The following CIT variants were observed in gnomAD, a reference collection of about 807,000 sequenced individuals.
CIT encodes citron rho-interacting serine/threonine kinase.
In CIT, 79 loss-of-function variants were observed where a neutral mutation model predicts 272.7. The observed-to-expected ratio is 0.29, with a 90% CI of 0.24 to 0.35. CIT has a LOEUF of 0.35. Among genes scored for constraint, CIT ranks in the 10% least tolerant of loss-of-function variants. The pLI, the probability that CIT is intolerant of heterozygous loss-of-function variation, is 1.00. For synonymous variants in CIT, 948 were observed against 995.6 expected (o/e 0.95, Z 0.90); for missense variants, 1,909 against 2,618.3 (o/e 0.73, Z 5.91).
In CIT at chr12:119,776,339, C is replaced by T. The variant is rs942194867; in HGVS notation, c.1887+19G>A. The T allele has an allele frequency of 4.4e-6, 7 of 1,606,184 alleles. No individual in the cohort carries two copies. Among genetic ancestry groups the T allele is most frequent in the Admixed American group, 1.7e-5 (1 of 59,772 alleles). ...TCTACCCAAAATATTAATAGCAAAA[C>T]CAATCATGGAAAGTATACCTTCTCC... On this transcript the variant is annotated intron_variant, in intron 15 of 47. Transcript: ENST00000392521.
At chr12:119,827,558 C>T in intron 7 of CIT, among the ~76,000 whole-genome samples, 1 of 152,062 alleles carries the variant, frequency 6.6e-6, no homozygotes, top group African/African-American at 2.4e-5. Context: ...TTGCCTCAGC[C>T]TCTCGAGTAA....
At chr12:119,688,317 G>T in intron 47 of CIT, 62 bp from the exon 48 acceptor site, 1 of 1,514,760 alleles carries the variant, frequency 6.6e-7, no homozygotes, top group Non-Finnish European at 9.2e-7. Context: ...TGCTCACCTT[G>T]CATGATGCAA....
rs181936460 is a variant in CIT, at chr12:119,727,275, T to C, written c.3591+1227A>G. Among the ~76,000 whole-genome samples the C allele has an allele frequency of 2.0e-4, 30 of 152,322 alleles. No homozygotes were observed. The East Asian group carries it at 4.6e-3, about 24-fold the overall frequency. On this transcript the variant is annotated intron_variant, in intron 28 of 47. Transcript: ENST00000392521. Reference sequence around the variant, plus strand: ...TAAGACAAGTATTACATGACCCCCATACTCTTACTTGAAAATTCTAATTTC... The same window carrying C: ...TAAGACAAGTATTACATGACCCCCACACTCTTACTTGAAAATTCTAATTTC...
In CIT at chr12:119,752,891, C is replaced by G. The variant is rs553509162; in HGVS notation, c.2707-644G>C. On this transcript the variant is annotated intron_variant, in intron 22 of 47. Transcript: ENST00000392521. The stretch of plus-strand genomic sequence containing the variant: ...TTCAAGTGGGGAGAAAAATGAAAAC[C>G]AACCATGACCATATATCATGGTCAA... 2.6e-5 allele frequency among the ~76,000 whole-genome samples: 4 copies of G among 152,172 alleles called. No individual in the cohort carries two copies. In the South Asian group the frequency reaches 8.3e-4, roughly 32 times the overall value.
rs76417198 is a variant in CIT at position 119,711,937 on chromosome 12, A to G, written c.4854+241T>C. On this transcript the variant is annotated intron_variant, in intron 37 of 47. Transcript: ENST00000392521. ...CTCCTGGGTCACTGGGACCACAGGC[A>G]TGAGCCACCGCATCCCTGATTCCCA... Among the ~76,000 whole-genome samples the G allele has an allele frequency of 0.028, 4,322 of 152,210 alleles. 86 individuals carry two copies. Among genetic ancestry groups the G allele is most frequent in the African/African-American group, 0.048 (2,001 of 41,534 alleles).
At chr12:119,778,266 G>A (rs1278342384) in intron 13 of CIT, among the ~76,000 whole-genome samples, 1 of 152,170 alleles carries the variant, frequency 6.6e-6, no homozygotes, top group Non-Finnish European at 1.5e-5. Context: ...TCTCAGAACT[G>A]GGCTCACCAA....
chr12:119,788,291 C>T (rs1196786353), intron 10 of CIT, among the ~76,000 whole-genome samples: 1 of 152,154 alleles, frequency 6.6e-6, no homozygotes, highest in East Asian at 1.9e-4. Context: ...TTGGCATGGC[C>T]TTGAGCAAAA....
intron 40 of CIT, among the ~76,000 whole-genome samples, chr12:119,706,456 C>T (rs7958992): frequency 0.14 from 20,699 of 151,794 alleles, 3,299 homozygotes; most frequent in African/African-American, 0.39. Context: ...CACCCTCTGA[C>T]GGGCCCCAGT....
chr12:119,856,061 C>T (rs1458298368), intron 4 of CIT, among the ~76,000 whole-genome samples: 1 of 152,168 alleles, frequency 6.6e-6, no homozygotes, highest in East Asian at 1.9e-4. Flanking sequence ...ATTATGTGCT[C>T]ACATTTTATT....
At chr12:119,846,514 C>T (rs1969814197) in intron 5 of CIT, among the ~76,000 whole-genome samples, 1 of 152,182 alleles carries the variant, frequency 6.6e-6, no homozygotes, top group Non-Finnish European at 1.5e-5. Context: ...AAAGCCCTTC[C>T]TAATTCCAGG....
chr12:119,754,077 T>A (rs1960629079), intron 22 of CIT, among the ~76,000 whole-genome samples: 1 of 152,282 alleles, frequency 6.6e-6, no homozygotes, highest in Non-Finnish European at 1.5e-5. Flanking sequence ...GACGACGATG[T>A]CACAGCAGCA....
rs961592091 is a variant in CIT, at chr12:119,700,832, G to A, written c.5543-7C>T. 8 of 1,612,738 alleles carry A rather than the reference G, an allele frequency of 5.0e-6. No homozygotes were observed. The highest frequency in any genetic ancestry group is 6.8e-6 in the Non-Finnish European group (8 of 1,179,110). On this transcript the variant is annotated splice_polypyrimidine_tract_variant and splice_region_variant and intron_variant, in intron 43 of 47. Transcript: ENST00000392521. ...TCCACGAACACTCCAAATTCTGCAA[G>A]GTGTCAAGAGCACGTGGGCATTAGC... is the stretch of plus-strand genomic sequence containing the variant.
At chr12:119,798,398 T>C (rs1209630979) in intron 10 of CIT, among the ~76,000 whole-genome samples, 1 of 152,134 alleles carries the variant, frequency 6.6e-6, no homozygotes, top group Non-Finnish European at 1.5e-5. Flanking sequence ...TTTAGGCAAG[T>C]TGTTTGATCT....
intron 7 of CIT, among the ~76,000 whole-genome samples, chr12:119,827,733 G>A (rs1968288139): frequency 6.6e-6 from 1 of 152,126 alleles, no homozygotes; most frequent in Admixed American, 6.5e-5. Flanking sequence ...CACGGAGCCT[G>A]GCCACAATAG....
chr12:119,685,840 A>G lies in CIT; in HGVS notation c.*2392T>C, dbSNP rs536213631. 7 of 152,576 alleles carry G rather than the reference A, an allele frequency of 4.6e-5. No homozygotes were observed. Among genetic ancestry groups the G allele is most frequent in the African/African-American group, 1.7e-4 (7 of 41,586 alleles). 9.5% of individuals were successfully genotyped at this position (152,576 alleles called of 1,614,324 possible). On this transcript the variant is annotated 3_prime_UTR_variant, in exon 48 of 48. Coordinates refer to ENST00000392521, the MANE Select transcript of CIT (RefSeq NM_001206999.2). ...CACTAATTGTTCAACAACAAAGTTC[A>G]TTCCTCTCAAGGTGGATCTTGAATC...
At chr12:119,824,127 T>C (rs898608659) in intron 8 of CIT, among the ~76,000 whole-genome samples, 21 of 138,188 alleles carry the variant, frequency 1.5e-4, no homozygotes, top group African/African-American at 6.2e-4. Context: ...TATATATATA[T>C]ATATATATAT....
chr12:119,704,860 CAG>C (rs955970089), intron 40 of CIT, among the ~76,000 whole-genome samples: 2 of 152,132 alleles, frequency 1.3e-5, no homozygotes, highest in Non-Finnish European at 2.9e-5. Context: ...AGGGAGAAGA[CAG>C]AATGAGGGAA....
rs763593953 is a variant in CIT, at chr12:119,784,912, C to A, written c.1401+48G>T. 2 of 1,605,612 alleles carry A rather than the reference C, an allele frequency of 1.2e-6. No individual in the cohort carries two copies. The highest frequency in any genetic ancestry group is 1.7e-6 in the Non-Finnish European group (2 of 1,175,698). ...GGGCGGATCCCTTGGCATATACGGA[C>A]GGGAGGATCCTGGAGCAAGGAAGGA... On this transcript the variant is annotated intron_variant, in intron 11 of 47. Transcript: ENST00000392521. This position sits in a 1 kb window ranked among gnomAD's most constrained non-coding sequence, Gnocchi z 4.7.
rs925370136 is a variant in CIT, at chr12:119,712,020, C to G, written c.4854+158G>C. 6.6e-6 allele frequency among the ~76,000 whole-genome samples: 1 copy of G among 152,104 alleles called. No homozygotes were observed. Among genetic ancestry groups the G allele is most frequent in the Non-Finnish European group, 1.5e-5 (1 of 68,026 alleles). ...ACCTTGGTGCTTGTGCCTTCATCAC[C>G]ACCAGACTCCTGGCCATGACACAGT... On this transcript the variant is annotated intron_variant, in intron 37 of 47. Coordinates refer to ENST00000392521, the MANE Select transcript of CIT (RefSeq NM_001206999.2). The surrounding 1 kb of genome is among the most constrained non-coding windows in gnomAD (Gnocchi z 5.2).
Sources: gnomAD v4.1 joint callset for allele counts (sites outside exome capture counted in the v4.1 genomes callset) on GRCh38, gnomAD v4.1.1 for gene constraint, Gnocchi (gnomAD v3.1) non-coding constraint, MANE v1.5 for transcripts, NCBI Gene and HGNC (gene_info 2026-07-23, HGNC 2026-07-21) for gene names.